NME9: variants seen among roughly 807,000 people sequenced by gnomAD.
NME9 encodes the protein NME/NM23 family member 9.
In NME9, 48 loss-of-function variants were observed where a neutral mutation model predicts 44.4. That is an observed-to-expected ratio of 1.08 (90% CI 0.86 to 1.37). The LOEUF (loss-of-function observed/expected upper bound fraction) is 1.37. NME9 is among the 40% of genes most tolerant of loss of function. NME9 has a pLI of 0.00. For missense variants in NME9, 325 were observed against 405.2 expected (o/e 0.80, Z 1.70); for synonymous variants, 139 against 147.1 (o/e 0.94, Z 0.40).
At chr3:138,302,591 C>T (rs572672548) in intron 10 of NME9, among the ~76,000 whole-genome samples, 2 of 152,330 alleles carry the variant, frequency 1.3e-5, no homozygotes, top group East Asian at 3.9e-4. Context: ...TCCCCAGCCT[C>T]TGTGGCACGC....
At chr3:138,303,391 A>G in intron 10 of NME9, 116 bp downstream of exon 10, 1 of 738,274 alleles carries the variant, frequency 1.4e-6, no homozygotes, top group Non-Finnish European at 2.4e-6. Context: ...ACAGGACTGT[A>G]TTAGGTTGAA....
At chr3:138,287,517 C>A in intron 8 of NME9, 11 of 384,486 alleles carry the variant, frequency 2.9e-5, no homozygotes, top group South Asian at 1.2e-4. Flanking sequence ...GATGAATAAA[C>A]TTATGCATAG....
downstream of NME9, chr3:138,296,239 C>T (rs982995819): frequency 1.4e-5 from 3 of 209,696 alleles, no homozygotes; most frequent in South Asian, 9.8e-5. Context: ...CACAGGCATG[C>T]GTGTGTATGT....
chr3:138,312,297 C>G (rs116532429), intron 6 of NME9, among the ~76,000 whole-genome samples: 3,964 of 152,194 alleles, frequency 0.026, 178 homozygotes, highest in African/African-American at 0.088. Context: ...CCACAAAAGA[C>G]CCCAAATAAC....
chr3:138,316,955 A>G (rs2053131277), intron 4 of NME9, among the ~76,000 whole-genome samples: 1 of 152,178 alleles, frequency 6.6e-6, no homozygotes, highest in East Asian at 1.9e-4. Context: ...ATGGATCTGG[A>G]GAGGGAGAAG....
chr3:138,263,942 T>C (rs2108265515), intron 8 of NME9: 1 of 1,063,366 alleles, frequency 9.4e-7, no homozygotes, highest in South Asian at 1.3e-5. Context: ...CTCAGGTGAA[T>C]TCATAGAGTA....
rs528150958 is a variant in NME9 at position 138,277,427 on chromosome 3, C to T, written c.746-14841G>A. 3.9e-5 allele frequency among the ~76,000 whole-genome samples: 6 copies of T among 152,266 alleles called. No homozygotes were observed. The South Asian group carries it at 8.3e-4, about 21-fold the overall frequency. On this transcript the variant is annotated intron_variant, in intron 8 of 8. Coordinates refer to the NME9 transcript ENST00000317876. ...TCTTCATCAAACTGTAAAACTTCTG[C>T]GTCGTGAAATGCACTGTTAAGAGAC...
chr3:138,290,491 C>A, intron 8 of NME9: 1 of 1,298,856 alleles, frequency 7.7e-7, no homozygotes, highest in Non-Finnish European at 1.1e-6. Flanking sequence ...AATTGTACAT[C>A]AAAGAGAGCA....
chr3:138,325,056 C>CT (rs1485070396), intron 1 of NME9, 126 bp from the exon 2 acceptor site: 1 of 726,604 alleles, frequency 1.4e-6, no homozygotes, highest in African/African-American at 1.8e-5. Context: ...AAGTTATCCT[C>CT]TCCCCCATCT....
intron 8 of NME9, 79 bp downstream of exon 8, chr3:138,305,925 A>T: frequency 1.0e-6 from 1 of 960,438 alleles, no homozygotes; most frequent in East Asian, 2.4e-5. Context: ...TCTGTCACAA[A>T]CTGATATCAA....
chr3:138,304,426 GGTACTCA>G (rs1250824969), intron 9 of NME9, among the ~76,000 whole-genome samples: 6 of 152,210 alleles, frequency 3.9e-5, no homozygotes, highest in African/African-American at 1.4e-4. Context: ...TGCAGAACAA[GGTACTCA>G]GACTCCCGAG....
intron 6 of NME9, among the ~76,000 whole-genome samples, chr3:138,310,459 A>T (rs1319650855): frequency 6.6e-6 from 1 of 151,936 alleles, no homozygotes; most frequent in East Asian, 1.9e-4. Flanking sequence ...CTGCTACAGA[A>T]AAGACATTAT....
At chr3:138,307,310 G>A (rs939057799) in intron 6 of NME9, among the ~76,000 whole-genome samples, 3 of 152,208 alleles carry the variant, frequency 2.0e-5, no homozygotes, top group Admixed American at 6.5e-5. Context: ...CACAGGAGCT[G>A]TAGGGAGGTC....
intron 8 of NME9, among the ~76,000 whole-genome samples, chr3:138,274,985 A>G (rs973712111): frequency 6.6e-6 from 1 of 152,158 alleles, no homozygotes; most frequent in Non-Finnish European, 1.5e-5. Context: ...TCTCTTAGGC[A>G]TCTTATTCCT....
At chr3:138,293,903 A>T (rs949508281) in intron 8 of NME9, among the ~76,000 whole-genome samples, 1 of 152,162 alleles carries the variant, frequency 6.6e-6, no homozygotes, top group Non-Finnish European at 1.5e-5. Context: ...TTTTCACATA[A>T]GTTTTTAGCT....
intron 8 of NME9, among the ~76,000 whole-genome samples, chr3:138,294,896 T>TG (rs1052015318): frequency 2.0e-5 from 3 of 151,094 alleles, no homozygotes; most frequent in Non-Finnish European, 4.4e-5. Flanking sequence ...TTGTTTGTTT[T>TG]TTGTTCTTTT....
intron 8 of NME9, among the ~76,000 whole-genome samples, chr3:138,271,624 A>C (rs1158357769): frequency 6.6e-6 from 1 of 152,174 alleles, no homozygotes; most frequent in Non-Finnish European, 1.5e-5. Flanking sequence ...AAAACCTTAG[A>C]GTCATCTCTG....
At chr3:138,278,633 T>C (rs1049022756) in intron 8 of NME9, among the ~76,000 whole-genome samples, 3 of 152,236 alleles carry the variant, frequency 2.0e-5, no homozygotes, top group African/African-American at 7.2e-5. Flanking sequence ...GTATTGTATT[T>C]ATAAATAAAT....
chr3:138,262,885 T>C (rs572793905), intron 8 of NME9, among the ~76,000 whole-genome samples: 2 of 152,336 alleles, frequency 1.3e-5, no homozygotes, highest in Admixed American at 1.3e-4. Flanking sequence ...TGGAGTCACA[T>C]GCCTGGGTAC....
Sources: gnomAD v4.1 joint callset for allele counts (sites outside exome capture counted in the v4.1 genomes callset) on GRCh38, gnomAD v4.1.1 for gene constraint, MANE v1.5 for transcripts, NCBI Gene and HGNC (gene_info 2026-07-23, HGNC 2026-07-21) for gene names.